Variants in PAPSS2 observed in about 807,000 individuals in gnomAD.
PAPSS2 encodes bifunctional 3'-phosphoadenosine 5'-phosphosulfate synthase 2.
In PAPSS2, 61 loss-of-function variants were observed where a neutral mutation model predicts 66.5. That is an observed-to-expected ratio of 0.92 (90% confidence interval 0.75 to 1.14). The LOEUF is 1.14. Ranked by LOEUF, PAPSS2 falls within the 50% of genes most tolerant of loss-of-function variation. The pLI is 0.00. For missense variants in PAPSS2, 708 were observed against 789.6 expected (o/e 0.90, Z 1.24); for synonymous variants, 289 against 287.5 (o/e 1.01, Z -0.05).
chr10:87,712,994 T>C, intron 2 of PAPSS2, 81 bp from the exon 3 acceptor site: 1 of 802,148 alleles, frequency 1.2e-6, no homozygotes, highest in South Asian at 1.5e-5. Context: ...TTAGTTATAT[T>C]TAAAATTACT....
intron 1 of PAPSS2, among the ~76,000 whole-genome samples, chr10:87,702,454 T>C: frequency 6.6e-6 from 1 of 152,224 alleles, no homozygotes; most frequent in Non-Finnish European, 1.5e-5. Flanking sequence ...GCTCCTACCA[T>C]GGGCCTGATA....
At position 87,745,894 on chromosome 10, in the gene PAPSS2, A is replaced by G; in HGVS notation, c.1784A>G (p.Asn595Ser). 3 of 1,614,074 alleles carry G rather than the reference A, an allele frequency of 1.9e-6. No individual in the cohort carries two copies. The highest frequency in any genetic ancestry group is 2.5e-6 in the Non-Finnish European group (3 of 1,179,954). ...AGGAAGCTCGCCCGGGAAGGAGAGA[A>G]TCCCCCAGATGGCTTCATGGCCCCC... ...RMRKLAREGENPPDGFMAPKA... is the reference protein window; with the variant it reads ...RMRKLAREGESPPDGFMAPKA... The change falls in exon 13 of 13, where the codon AAT becomes AGT. Residue 595 changes from asparagine (N) to serine (S), a missense_variant. Coordinates refer to ENST00000456849, the MANE Select transcript of PAPSS2 (RefSeq NM_001015880.2).
intron 2 of PAPSS2, 108 bp from the exon 3 acceptor site, chr10:87,712,967 T>C: frequency 1.5e-6 from 1 of 681,062 alleles, no homozygotes; most frequent in East Asian, 2.9e-5. Context: ...TTTCTTTCTT[T>C]TTTTTTTTTT....
chr10:87,728,239 G>A (rs1853684034), intron 9 of PAPSS2, among the ~76,000 whole-genome samples: 1 of 151,922 alleles, frequency 6.6e-6, no homozygotes, highest in African/African-American at 2.4e-5. Context: ...GAAATTGAAT[G>A]GTAAAACCAT....
Position 87,741,279 on chromosome 10 carries a change from G to A in PAPSS2, c.1131G>A (p.Gln377=). ...ACTGGCTGGTTGGTGGAGACCTTCA[G>A]GTGCTGGAGAAAATAAGATGGAATG... ...SGDWLVGGDL[Q]VLEKIRWNDG... The change falls in exon 10 of 13, where the codon CAG becomes CAA. Residue 377 remains glutamine (Q), a synonymous_variant. Transcript: ENST00000456849. 1 of 1,613,794 alleles carries A rather than the reference G, an allele frequency of 6.2e-7. No homozygotes were observed. Among genetic ancestry groups the A allele is most frequent in the South Asian group, 1.1e-5 (1 of 91,080 alleles).
chr10:87,693,480 T>G (rs1853195774), intron 1 of PAPSS2, among the ~76,000 whole-genome samples: 1 of 152,210 alleles, frequency 6.6e-6, no homozygotes, highest in Non-Finnish European at 1.5e-5. Flanking sequence ...GAAGGACTCT[T>G]TCAGTTCATA....
chr10:87,688,300 A>C (rs1286401511), intron 1 of PAPSS2, among the ~76,000 whole-genome samples: 3 of 151,938 alleles, frequency 2.0e-5, no homozygotes, highest in Non-Finnish European at 4.4e-5. Context: ...TAATGATAAA[A>C]CACACCTGTA....
intron 1 of PAPSS2, among the ~76,000 whole-genome samples, chr10:87,690,663 G>T (rs1049923050): frequency 5.3e-5 from 8 of 152,170 alleles, no homozygotes. Context: ...GAATGTGAAG[G>T]TGGAGTGGTA....
chr10:87,727,363 G>A lies in PAPSS2; in HGVS notation c.960G>A (p.Lys320=). Residue 320 remains lysine, a synonymous_variant, in exon 9 of 13, where the codon AAG becomes AAA. Coordinates refer to ENST00000456849, the MANE Select transcript of PAPSS2 (RefSeq NM_001015880.2). ...AGACACGGCTGGAAGGGTGCAGCAA[G>A]TTTGTCCTGGCACATGGTGGACGGA... ...EDKTRLEGCS[K]FVLAHGGRRV... is the part of the protein sequence containing the mutation. 1 of 1,614,096 alleles carries A rather than the reference G, an allele frequency of 6.2e-7. No homozygotes were observed. Among genetic ancestry groups the A allele is most frequent in the Non-Finnish European group, 8.5e-7 (1 of 1,180,002 alleles).
intron 7 of PAPSS2, among the ~76,000 whole-genome samples, chr10:87,721,063 G>A (rs1239874571): frequency 6.6e-6 from 1 of 152,202 alleles, no homozygotes; most frequent in African/African-American, 2.4e-5. Context: ...GGGTGTGAGA[G>A]TACTCTGCAT....
intron 7 of PAPSS2, among the ~76,000 whole-genome samples, chr10:87,720,602 A>G (rs189272843): frequency 8.5e-5 from 13 of 152,302 alleles, no homozygotes; most frequent in African/African-American, 3.1e-4. Context: ...AAATTTCTTG[A>G]TTACCTACAA....
chr10:87,714,045 A>G lies in PAPSS2; in HGVS notation c.383A>G (p.Asp128Gly), dbSNP rs1463007861. 6.2e-7 allele frequency: 1 copy of G among 1,613,894 alleles called. No individual in the cohort carries two copies. The highest frequency in any genetic ancestry group is 1.7e-5 in the Admixed American group (1 of 60,008). Residue 128 changes from aspartate to glycine, a missense_variant and splice_region_variant, in exon 4 of 13, where the codon GAT becomes GGT. Asp to Gly is a moderately conservative substitution (Grantham distance 94, BLOSUM62 -1). Transcript: ENST00000456849. ...ATTCTTAATCATATTGCTTTTCAGG[A>G]TCGTGAGAATGCCCGCAAAATACAT... ...ITSFISPFAK[D>G]RENARKIHES...
chr10:87,711,945 A>C (rs1157470432), intron 2 of PAPSS2, among the ~76,000 whole-genome samples: 1 of 152,084 alleles, frequency 6.6e-6, no homozygotes, highest in Non-Finnish European at 1.5e-5. Context: ...CTAAAATCCT[A>C]AAGGACCCAT....
At chr10:87,712,466 T>C (rs1853474113) in intron 2 of PAPSS2, among the ~76,000 whole-genome samples, 1 of 152,190 alleles carries the variant, frequency 6.6e-6, no homozygotes, top group Non-Finnish European at 1.5e-5. Flanking sequence ...TCCTTTTTGC[T>C]TTGGAGACAA....
intron 9 of PAPSS2, 22 bp from the exon 10 acceptor site, chr10:87,741,213 A>G (rs1042502162): frequency 6.2e-7 from 1 of 1,612,482 alleles, no homozygotes; most frequent in Non-Finnish European, 8.5e-7. Context: ...ATCATTAGCA[A>G]TCATAACAAT....
At chr10:87,660,714 A>G (rs1852739471) in intron 1 of PAPSS2, among the ~76,000 whole-genome samples, 1 of 151,500 alleles carries the variant, frequency 6.6e-6, no homozygotes, top group Non-Finnish European at 1.5e-5. Flanking sequence ...TCAAAGAGAA[A>G]AGTTTCTTTC....
Position 87,747,058 on chromosome 10 carries a change from C to T in PAPSS2, c.*1088C>T, listed in dbSNP as rs572900833. On this transcript the variant is annotated 3_prime_UTR_variant, in exon 13 of 13. Transcript: ENST00000456849. ...GGTGCCCTGTCTACACCAGACAACA[C>T]AGGAGCTGGGTCAGATTCCCCTCAG... is the stretch of plus-strand genomic sequence containing the variant. The T allele has an allele frequency of 1.1e-4, 16 of 152,266 alleles. No individual in the cohort carries two copies. Among genetic ancestry groups the T allele is most frequent in the South Asian group, 8.3e-4 (4 of 4,818 alleles). 9.4% of individuals were successfully genotyped at this position (152,266 alleles called of 1,614,324 possible). A position where few individuals can be genotyped will look rare whatever the true frequency, so the allele number is the denominator to read the frequency against.
At chr10:87,732,866 A>G (rs1288039275) in intron 9 of PAPSS2, among the ~76,000 whole-genome samples, 1 of 152,002 alleles carries the variant, frequency 6.6e-6, no homozygotes, top group East Asian at 1.9e-4. Context: ...TATTAGGGGG[A>G]CTCGATAAAC....
In PAPSS2 at chr10:87,715,770, G is replaced by A; in HGVS notation, c.792G>A (p.Trp264Ter). 1 of 1,613,732 alleles carries A rather than the reference G, an allele frequency of 6.2e-7. No homozygotes were observed. The highest frequency in any genetic ancestry group is 8.5e-7 in the Non-Finnish European group (1 of 1,179,686). The stretch of plus-strand genomic sequence containing the variant: ...GGGTCCAGGTTTTGAGCGAAGGCTG[G>A]GCCACTCCCCTCAAAGGTTTCATGC... ...LQWVQVLSEG[W>*]ATPLKGFMRE... The change falls in exon 7 of 13, where the codon TGG becomes TGA. Residue 264 changes from tryptophan to a stop codon, truncating the protein, a stop_gained. Coordinates refer to ENST00000456849, the MANE Select transcript of PAPSS2 (RefSeq NM_001015880.2). LOFTEE classifies it high-confidence loss of function.
Sources: gnomAD v4.1 joint callset for allele counts (sites outside exome capture counted in the v4.1 genomes callset) on GRCh38, gnomAD v4.1.1 for gene constraint, MANE v1.5 for transcripts, NCBI Gene and HGNC (gene_info 2026-07-23, HGNC 2026-07-21) for gene names.